GCGR: variants seen among roughly 807,000 people sequenced by gnomAD.
The protein encoded by GCGR is glucagon receptor.
GCGR carries 41 observed loss-of-function variants against 56.1 expected under a neutral mutation model. The ratio of observed to expected loss-of-function variants is 0.73; its 90% CI spans 0.57 to 0.95. The LOEUF is 0.95. GCGR is among the 40% of genes least tolerant of loss of function. The pLI is 0.00. For missense variants in GCGR, 595 were observed against 638.2 expected (o/e 0.93, Z 0.73); for synonymous variants, 278 against 271.1 (o/e 1.03, Z -0.25).
chr17:81,811,116 G>A lies in GCGR; in HGVS notation c.378G>A (p.Glu126=). The A allele has an allele frequency of 6.5e-7, 1 of 1,536,276 alleles. No individual in the cohort carries two copies. Among genetic ancestry groups the A allele is most frequent in the Non-Finnish European group, 8.7e-7 (1 of 1,146,832 alleles). The change falls in exon 5 of 14, where the codon GAG becomes GAA. Residue 126 remains glutamate, a synonymous_variant. Coordinates refer to ENST00000400723, the MANE Select transcript of GCGR (RefSeq NM_000160.5). The surrounding 1 kb of genome is among the most constrained non-coding windows in gnomAD (Gnocchi z 5.8). ...RDASQCQMDG[E]EIEVQKEVAK... ...CCTCCCAGTGCCAGATGGATGGCGA[G>A]GAGATTGAGGTCCAGGTCAGTGGGC...
At position 81,810,484 on chromosome 17, in the gene GCGR, T is replaced by G; in HGVS notation, c.164-341T>G. The G allele has an allele frequency of 2.4e-6, 1 of 415,644 alleles. No homozygotes were observed. Among genetic ancestry groups the G allele is most frequent in the Non-Finnish European group, 4.5e-6 (1 of 223,990 alleles). The allele number at this position is 415,644 out of a possible 1,614,324, so 25.7% of individuals were successfully genotyped here. A position where few individuals can be genotyped will look rare whatever the true frequency, so the allele number is the denominator to read the frequency against. On this transcript the variant is annotated intron_variant, in intron 3 of 13. Coordinates refer to ENST00000400723, the MANE Select transcript of GCGR (RefSeq NM_000160.5). The surrounding 1 kb of genome is among the most constrained non-coding windows in gnomAD (Gnocchi z 4.6). ...GGGGTTCAGCCCCCAGAGAGGGAGGTGCTGAGAGAAGGTCACGGAGAATGG... is the reference window on the plus strand; with the variant it reads ...GGGGTTCAGCCCCCAGAGAGGGAGGGGCTGAGAGAAGGTCACGGAGAATGG...
intron 2 of GCGR, among the ~76,000 whole-genome samples, chr17:81,809,572 TGTCTGTCC>T (rs1267634231): frequency 1.3e-5 from 2 of 150,500 alleles, no homozygotes; most frequent in Admixed American, 6.6e-5. Flanking sequence ...TCCGTCTGCC[TGTCTGTCC>T]GTCTGTCCAT....
In GCGR at chr17:81,811,420, C is replaced by T. The variant is rs867133127; in HGVS notation, c.517C>T (p.Arg173Cys). ...LGGLSKLHCT[R>C]NAIHANLFAS... ...TGCCCACAGCAAGCTGCACTGCACC[C>T]GCAATGCCATCCACGCGAATCTGTT... Residue 173 changes from arginine (R) to cysteine (C), a missense_variant, in exon 7 of 14, where the codon CGC becomes TGC. Arg to Cys is a radical substitution (Grantham distance 180). Coordinates refer to ENST00000400723, the MANE Select transcript of GCGR (RefSeq NM_000160.5). The surrounding 1 kb of genome is among the most constrained non-coding windows in gnomAD (Gnocchi z 5.8). 1.6e-5 allele frequency: 24 copies of T among 1,536,338 alleles called. No individual in the cohort carries two copies. Among genetic ancestry groups the T allele is most frequent in the Admixed American group, 7.8e-5 (4 of 50,982 alleles).
At chr17:81,809,192 C>A in intron 2 of GCGR, 114 bp downstream of exon 2, 1 of 1,263,224 alleles carries the variant, frequency 7.9e-7, no homozygotes, top group Non-Finnish European at 1.1e-6. Flanking sequence ...GTCTGTCTGT[C>A]TGCCCGTCTG....
In GCGR at chr17:81,811,980, A is replaced by C. The variant is rs2038111600; in HGVS notation, c.878+34A>C. On this transcript the variant is annotated intron_variant, in intron 9 of 13. Transcript: ENST00000400723. The surrounding 1 kb of genome is among the most constrained non-coding windows in gnomAD (Gnocchi z 5.8). ...GAGCGGCTGGACAGCCTGGGGAGGG[A>C]CCGGGGGGCTGGGGTGCGGCGCTCT... 6.5e-7 allele frequency: 1 copy of C among 1,534,892 alleles called. No individual in the cohort carries two copies.
Position 81,812,971 on chromosome 17 carries a change from C to A in GCGR, c.1176+26C>A. 5 of 1,535,974 alleles carry A rather than the reference C, an allele frequency of 3.3e-6. No individual in the cohort carries two copies. The highest frequency in any genetic ancestry group is 4.4e-6 in the Non-Finnish European group (5 of 1,146,624). ...GTGCCCGCCCGCCCGCCGGCTCCCC[C>A]GCCCGGGGCGCAGTGTGCCACCCCT... On this transcript the variant is annotated intron_variant, in intron 12 of 13. Coordinates refer to ENST00000400723, the MANE Select transcript of GCGR (RefSeq NM_000160.5). This position sits in a 1 kb window ranked among gnomAD's most constrained non-coding sequence, Gnocchi z 8.5.
chr17:81,812,446 C>T lies in GCGR; in HGVS notation c.949-131C>T. ...CTCCCTGGCTGTGTGCCCACCAGCC[C>T]CAGGGCTATGTGGCCCAGGGCCTAT... On this transcript the variant is annotated intron_variant, in intron 10 of 13. Coordinates refer to ENST00000400723, the MANE Select transcript of GCGR (RefSeq NM_000160.5). The surrounding 1 kb of genome is among the most constrained non-coding windows in gnomAD (Gnocchi z 8.5). 1.9e-6 allele frequency: 2 copies of T among 1,076,530 alleles called. No individual in the cohort carries two copies. Among genetic ancestry groups the T allele is most frequent in the Non-Finnish European group, 2.7e-6 (2 of 751,720 alleles). 66.7% of individuals were successfully genotyped at this position (1,076,530 alleles called of 1,614,324 possible).
intron 1 of GCGR, among the ~76,000 whole-genome samples, chr17:81,807,222 T>C (rs2037982561): frequency 6.6e-6 from 1 of 152,224 alleles, no homozygotes; most frequent in Admixed American, 6.5e-5. Flanking sequence ...CTGTGGGTCC[T>C]TCGCCCCAGC....
Position 81,808,828 on chromosome 17 carries a change from C to T in GCGR, c.-177-14C>T. 2 of 677,162 alleles carry T rather than the reference C, an allele frequency of 3.0e-6. No homozygotes were observed. The highest frequency in any genetic ancestry group is 5.5e-5 in the East Asian group (2 of 36,302). 41.9% of individuals were successfully genotyped at this position (677,162 alleles called of 1,614,324 possible). A position where few individuals can be genotyped will look rare whatever the true frequency, so the allele number is the denominator to read the frequency against. On this transcript the variant is annotated splice_polypyrimidine_tract_variant and intron_variant, in intron 1 of 13. Transcript: ENST00000400723. ...GCCGCCGCGCCCGGCCCCCAGCTCC[C>T]TCTTTATCCCTAGGACCCTGAGGCT...
In GCGR at chr17:81,813,108, A is replaced by C. The variant is rs1165307875; in HGVS notation, c.1218+51A>C. On this transcript the variant is annotated intron_variant, in intron 13 of 13. Transcript: ENST00000400723. This position sits in a 1 kb window ranked among gnomAD's most constrained non-coding sequence, Gnocchi z 5.3. ...ACCATCAGCACTGGCCGTCGGGGTC[A>C]GGGGCAGAGAGAGGCACAGGGATGC... 6.5e-7 allele frequency: 1 copy of C among 1,534,208 alleles called. No homozygotes were observed. Among genetic ancestry groups the C allele is most frequent in the African/African-American group, 1.4e-5 (1 of 72,930 alleles).
At position 81,812,508 on chromosome 17, in the gene GCGR, G is replaced by A; in HGVS notation, c.949-69G>A. On this transcript the variant is annotated intron_variant, in intron 10 of 13. Transcript: ENST00000400723. This position sits in a 1 kb window ranked among gnomAD's most constrained non-coding sequence, Gnocchi z 8.5. ...GCCCACCTGCAGGAGGGTCAGGTGG[G>A]GCCTTCCAAGGGCACAGAGCTGTTC... The A allele has an allele frequency of 7.0e-7, 1 of 1,437,142 alleles. No individual in the cohort carries two copies. Among genetic ancestry groups the A allele is most frequent in the Non-Finnish European group, 9.4e-7 (1 of 1,064,230 alleles). 89.0% of individuals were successfully genotyped at this position (1,437,142 alleles called of 1,614,324 possible).
Position 81,811,218 on chromosome 17 carries a change from G to C in GCGR, c.394-4G>C. On this transcript the variant is annotated splice_polypyrimidine_tract_variant and splice_region_variant and intron_variant, in intron 5 of 13. Coordinates refer to ENST00000400723, the MANE Select transcript of GCGR (RefSeq NM_000160.5). This position sits in a 1 kb window ranked among gnomAD's most constrained non-coding sequence, Gnocchi z 5.8. ...TGGCCCTCACAGGCCACTGTAACTC[G>C]CAGAAGGAGGTGGCCAAGATGTACA... 5 of 1,536,280 alleles carry C rather than the reference G, an allele frequency of 3.3e-6. No individual in the cohort carries two copies. Among genetic ancestry groups the C allele is most frequent in the Non-Finnish European group, 4.4e-6 (5 of 1,146,826 alleles).
chr17:81,806,367 C>A lies in GCGR; in HGVS notation c.-178+2118C>A, dbSNP rs1199270811. Among the ~76,000 whole-genome samples, 2 of 152,176 alleles carry A rather than the reference C, an allele frequency of 1.3e-5. No individual in the cohort carries two copies. Among genetic ancestry groups the A allele is most frequent in the Non-Finnish European group, 2.9e-5 (2 of 68,022 alleles). ...GGGACTAGGGGTGCCCTATGGGGAG[C>A]CCACCTGTGGCCTGTGGATGCTGAG... On this transcript the variant is annotated intron_variant, in intron 1 of 13. Coordinates refer to ENST00000400723, the MANE Select transcript of GCGR (RefSeq NM_000160.5). The surrounding 1 kb of genome is among the most constrained non-coding windows in gnomAD (Gnocchi z 6.5).
chr17:81,807,704 C>T (rs2037992015), intron 1 of GCGR, among the ~76,000 whole-genome samples: 1 of 152,262 alleles, frequency 6.6e-6, no homozygotes, highest in South Asian at 2.1e-4. Context: ...CCCGGGGGCT[C>T]ATAGCCAGCC....
In GCGR at chr17:81,809,095, C is replaced by A; in HGVS notation, c.60+17C>A. The A allele has an allele frequency of 1.3e-6, 2 of 1,534,852 alleles. No individual in the cohort carries two copies. Among genetic ancestry groups the A allele is most frequent in the Non-Finnish European group, 1.7e-6 (2 of 1,146,218 alleles). On this transcript the variant is annotated intron_variant, in intron 2 of 13. Coordinates refer to ENST00000400723, the MANE Select transcript of GCGR (RefSeq NM_000160.5). Reference sequence around the variant, plus strand: ...GCCTGCCAGGTGAGGACTCACAGCACCCTCAGCACCCAGGGGCCCTCCTGT... The same window carrying A: ...GCCTGCCAGGTGAGGACTCACAGCAACCTCAGCACCCAGGGGCCCTCCTGT...
Position 81,811,708 on chromosome 17 carries a change from T to C in GCGR, c.715T>C (p.Tyr239His). The C allele has an allele frequency of 6.5e-7, 1 of 1,543,716 alleles. No homozygotes were observed. Among genetic ancestry groups the C allele is most frequent in the African/African-American group, 1.4e-5 (1 of 73,362 alleles). The change falls in exon 8 of 14, where the codon TAC becomes CAC. Residue 239 changes from tyrosine to histidine, a missense_variant. Transcript: ENST00000400723. The surrounding 1 kb of genome is among the most constrained non-coding windows in gnomAD (Gnocchi z 5.8). ...CATGCAATATGGCATCGTGGCCAACTACTGCTGGCTGCTGGTGGAGGGCCT... is the reference window on the plus strand; with the variant it reads ...CATGCAATATGGCATCGTGGCCAACCACTGCTGGCTGCTGGTGGAGGGCCT... ...VFMQYGIVANYCWLLVEGLYL... is the reference protein window; with the variant it reads ...VFMQYGIVANHCWLLVEGLYL...
chr17:81,811,303 G>T lies in GCGR; in HGVS notation c.475G>T (p.Ala159Ser). 1 of 1,535,458 alleles carries T rather than the reference G, an allele frequency of 6.5e-7. No homozygotes were observed. Among genetic ancestry groups the T allele is most frequent in the East Asian group, 2.4e-5 (1 of 40,898 alleles). Reference protein sequence around the residue: ...YSLSLGALLLALAILGGLSKL... With the variant: ...YSLSLGALLLSLAILGGLSKL... ...CCTGTCCCTGGGGGCCCTGCTCCTC[G>T]CCTTGGCCATCCTGGGGGGCCTCAG... Residue 159 changes from alanine (A) to serine (S), a missense_variant, in exon 6 of 14, where the codon GCC becomes TCC. Ala to Ser is a moderately conservative substitution (Grantham distance 99). Transcript: ENST00000400723. This position sits in a 1 kb window ranked among gnomAD's most constrained non-coding sequence, Gnocchi z 5.8.
chr17:81,812,864 C>T lies in GCGR; in HGVS notation c.1095C>T (p.Phe365=), dbSNP rs5384. The T allele has an allele frequency of 0.17, 256,645 of 1,535,976 alleles. 22,276 individuals carry two copies. Among genetic ancestry groups the T allele is most frequent in the Admixed American group, 0.21 (10,881 of 51,000 alleles). The stretch of plus-strand genomic sequence containing the variant: ...TGCTGGGCGTCCACGAAGTGGTCTT[C>T]GCCTTCGTGACGGACGAGCACGCCC... ...IPLLGVHEVV[F]AFVTDEHAQG... is the part of the protein sequence containing the mutation. Residue 365 remains phenylalanine (F), a synonymous_variant, in exon 12 of 14, where the codon TTC becomes TTT. Coordinates refer to ENST00000400723, the MANE Select transcript of GCGR (RefSeq NM_000160.5). This position sits in a 1 kb window ranked among gnomAD's most constrained non-coding sequence, Gnocchi z 8.5.
rs895113814 is a variant in GCGR at position 81,810,245 on chromosome 17, C to T, written c.163+361C>T. The T allele has an allele frequency of 5.3e-5, 21 of 396,210 alleles. No individual in the cohort carries two copies. The highest frequency in any genetic ancestry group is 3.6e-4 in the Admixed American group (10 of 27,580). 24.5% of individuals were successfully genotyped at this position (396,210 alleles called of 1,614,324 possible). ...TGGGACCCAGGGGCCTGGGAGGGCT[C>T]GGGTGGAGAGTGTATATCATGGCCT... On this transcript the variant is annotated intron_variant, in intron 3 of 13. Transcript: ENST00000400723. The surrounding 1 kb of genome is among the most constrained non-coding windows in gnomAD (Gnocchi z 4.6).
Sources: allele counts gnomAD v4.1 joint callset (sites outside exome capture counted in the v4.1 genomes callset), GRCh38; gene constraint gnomAD v4.1.1; non-coding constraint Gnocchi (gnomAD v3.1); transcripts MANE v1.5; gene names NCBI Gene and HGNC (gene_info 2026-07-23, HGNC 2026-07-21).